Variants in PATJ observed in about 807,000 individuals in gnomAD.
The protein encoded by PATJ is inaD-like protein.
PATJ carries 190 observed loss-of-function variants against 224.9 expected under a neutral mutation model. That is an observed-to-expected ratio of 0.84 (90% confidence interval 0.75 to 0.95). PATJ has a LOEUF of 0.95. Among genes scored for constraint, PATJ ranks in the 40% least tolerant of loss-of-function variants. PATJ has a pLI of 0.00. For missense variants in PATJ, 2,121 were observed against 2,270.3 expected (o/e 0.93, Z 1.34); for synonymous variants, 769 against 820.3 (o/e 0.94, Z 1.07).
rs373139760 is a variant in PATJ at position 62,062,256 on chromosome 1, G to GT, written c.4125+11207dup. On this transcript the variant is annotated intron_variant, in intron 31 of 43. Coordinates refer to ENST00000642238, the MANE Select transcript of PATJ (RefSeq NM_001350145.3). Reference sequence around the variant, plus strand: ...TGTCTCCATAGCCTCACTAACATCTGTTTTTTTTTATTTTTTAATAGCAGC... The same window carrying GT: ...TGTCTCCATAGCCTCACTAACATCTGTTTTTTTTTTATTTTTTAATAGCAGC... 3.8e-4 allele frequency among the ~76,000 whole-genome samples: 57 copies of GT among 150,028 alleles called. No individual in the cohort carries two copies. In the South Asian group the frequency reaches 4.7e-3, roughly 12 times the overall value.
intron 17 of PATJ, among the ~76,000 whole-genome samples, chr1:61,840,550 C>T (rs1251012235): frequency 6.6e-6 from 1 of 151,830 alleles, no homozygotes; most frequent in African/African-American, 2.4e-5. Flanking sequence ...ACTTTAAAGG[C>T]TCTGTATTTT....
At chr1:61,991,607 G>T in intron 28 of PATJ, 1 of 985,450 alleles carries the variant, frequency 1.0e-6, no homozygotes, top group Non-Finnish European at 1.2e-6. Flanking sequence ...AACCTTGGTT[G>T]CTTCTCCCCA....
At chr1:62,148,155 G>T (rs556589095) in intron 41 of PATJ, 129 bp from the exon 42 acceptor site, 21 of 377,332 alleles carry the variant, frequency 5.6e-5, no homozygotes, top group Non-Finnish European at 9.1e-5. Context: ...TGAGAGAATA[G>T]TCCTTGTGTC....
chr1:61,850,631 A>G (rs1662667397), intron 17 of PATJ, among the ~76,000 whole-genome samples: 1 of 152,262 alleles, frequency 6.6e-6, no homozygotes, highest in South Asian at 2.1e-4. Context: ...TCATTCATTT[A>G]GCAAATACTT....
chr1:62,146,525 C>G (rs1668055043), intron 41 of PATJ, among the ~76,000 whole-genome samples: 1 of 152,170 alleles, frequency 6.6e-6, no homozygotes, highest in Non-Finnish European at 1.5e-5. Context: ...CCTGTAATCC[C>G]TGCACTCTGG....
At chr1:61,752,297 CTT>C (rs753693579) in intron 1 of PATJ, among the ~76,000 whole-genome samples, 16 of 144,020 alleles carry the variant, frequency 1.1e-4, no homozygotes, top group Non-Finnish European at 1.7e-4. Flanking sequence ...AAAACTGACT[CTT>C]TTCATTTCTT....
At chr1:62,139,972 G>A (rs982303818) in intron 41 of PATJ, among the ~76,000 whole-genome samples, 21 of 152,032 alleles carry the variant, frequency 1.4e-4, no homozygotes, top group Admixed American at 1.2e-3. Context: ...GTTGCTCAGG[G>A]TGGTCTCGAA....
intron 21 of PATJ, among the ~76,000 whole-genome samples, chr1:61,878,208 G>A (rs964424443): frequency 3.9e-5 from 6 of 152,194 alleles, no homozygotes; most frequent in African/African-American, 1.4e-4. Flanking sequence ...TCCTGCCTGA[G>A]CACCAGTCCT....
chr1:61,893,999 T>C (rs12127652), intron 22 of PATJ, among the ~76,000 whole-genome samples: 1 of 152,052 alleles, frequency 6.6e-6, no homozygotes, highest in Non-Finnish European at 1.5e-5. Context: ...TCATGCCTGT[T>C]ATCCTAGCAC....
chr1:61,880,819 C>T (rs1475450941), intron 21 of PATJ, among the ~76,000 whole-genome samples: 1 of 152,180 alleles, frequency 6.6e-6, no homozygotes, highest in East Asian at 1.9e-4. Context: ...TTTTGGCCAG[C>T]ACGGTGGCTC....
Position 61,821,110 on chromosome 1 carries a change from A to G in PATJ, c.1684-1835A>G, listed in dbSNP as rs189075464. ...GGCTGGAGTGCAGTGGTGCAACCTC[A>G]GCTCACTGCAAGCTCCACCTCCCGG... On this transcript the variant is annotated intron_variant, in intron 14 of 43. Transcript: ENST00000642238. 3.8e-3 allele frequency among the ~76,000 whole-genome samples: 563 copies of G among 149,874 alleles called. 2 individuals carry two copies. Among genetic ancestry groups the G allele is most frequent in the African/African-American group, 0.013 (509 of 40,704 alleles).
intron 27 of PATJ, among the ~76,000 whole-genome samples, chr1:61,972,184 T>A (rs1447800042): frequency 6.6e-6 from 1 of 151,994 alleles, no homozygotes; most frequent in African/African-American, 2.4e-5. Context: ...ATATGCCTTA[T>A]ACCCAGAGCC....
At chr1:62,136,014 G>GTTTT (rs1558218914) in intron 41 of PATJ, among the ~76,000 whole-genome samples, 1 of 81,210 alleles carries the variant, frequency 1.2e-5, no homozygotes, top group Non-Finnish European at 2.6e-5. Context: ...CAGACCATTA[G>GTTTT]ATTTTTTTTT....
At chr1:61,978,828 A>G (rs1644292033) in intron 27 of PATJ, among the ~76,000 whole-genome samples, 1 of 152,096 alleles carries the variant, frequency 6.6e-6, no homozygotes, top group African/African-American at 2.4e-5. Context: ...GTATTGAGTC[A>G]TTATTCCAGT....
intron 14 of PATJ, among the ~76,000 whole-genome samples, chr1:61,813,366 TATATATATATATACACAC>T (rs1169979227): frequency 1.3e-4 from 7 of 55,872 alleles, no homozygotes; most frequent in African/African-American, 3.9e-4. Context: ...TATATATATA[TATATATATATATACACAC>T]ACACACACAC....
intron 27 of PATJ, among the ~76,000 whole-genome samples, chr1:61,970,735 C>T (rs2482892): frequency 0.03 from 4,542 of 152,222 alleles, 146 homozygotes; most frequent in African/African-American, 0.079. Flanking sequence ...CTCACACTAA[C>T]GCCTGCTTTG....
chr1:61,765,560 T>G (rs1288106032), intron 3 of PATJ, among the ~76,000 whole-genome samples: 2 of 152,164 alleles, frequency 1.3e-5, no homozygotes, highest in Non-Finnish European at 2.9e-5. Flanking sequence ...AATTTTTGTA[T>G]TTTTGATAGC....
intron 14 of PATJ, among the ~76,000 whole-genome samples, chr1:61,819,517 G>A (rs529285948): frequency 1.2e-4 from 18 of 151,440 alleles, no homozygotes; most frequent in East Asian, 5.8e-4. Flanking sequence ...TTTATACCCC[G>A]TACATATATG....
At chr1:61,825,766 G>T (rs1658141317) in intron 15 of PATJ, among the ~76,000 whole-genome samples, 1 of 152,052 alleles carries the variant, frequency 6.6e-6, no homozygotes, top group South Asian at 2.1e-4. Context: ...ATATTTAAAG[G>T]CACTCCAAGA....
Sources: allele counts gnomAD v4.1 joint callset (sites outside exome capture counted in the v4.1 genomes callset), GRCh38; gene constraint gnomAD v4.1.1; transcripts MANE v1.5; gene names NCBI Gene and HGNC (gene_info 2026-07-23, HGNC 2026-07-21).